Variants in NECTIN4 observed in about 807,000 individuals in gnomAD.
The protein encoded by NECTIN4 is nectin cell adhesion molecule 4, also known as nectin-4.
In NECTIN4, 19 loss-of-function variants were observed where a neutral mutation model predicts 51.7. That is an observed-to-expected ratio of 0.37 (90% CI 0.26 to 0.54). The LOEUF (loss-of-function observed/expected upper bound fraction) is 0.54. Ranked by LOEUF, NECTIN4 falls within the 20% of genes least tolerant of loss-of-function variation. The pLI, the probability that NECTIN4 is intolerant of heterozygous loss-of-function variation, is 0.86. For synonymous variants in NECTIN4, 283 were observed against 286.9 expected (o/e 0.99, Z 0.14); for missense variants, 619 against 662.4 (o/e 0.93, Z 0.72).
intron 3 of NECTIN4, 152 bp from the exon 4 acceptor site, chr1:161,076,627 C>T: frequency 1.9e-6 from 2 of 1,027,042 alleles, no homozygotes; most frequent in South Asian, 2.6e-5. Flanking sequence ...AGCTCAGCCC[C>T]ACCCTGCTGA....
chr1:161,076,047 G>T (rs1430715758), intron 4 of NECTIN4, among the ~76,000 whole-genome samples: 2 of 152,176 alleles, frequency 1.3e-5, no homozygotes, highest in Non-Finnish European at 2.9e-5. Context: ...CTGCACTCCA[G>T]CCTGGCGACA....
At chr1:161,075,728 C>T (rs1330666349) in intron 4 of NECTIN4, among the ~76,000 whole-genome samples, 1 of 151,534 alleles carries the variant, frequency 6.6e-6, no homozygotes, top group African/African-American at 2.4e-5. Flanking sequence ...GCCAAGATCG[C>T]ACCACTGCAC....
At chr1:161,083,773 C>G (rs1284083180) in intron 1 of NECTIN4, among the ~76,000 whole-genome samples, 1 of 152,236 alleles carries the variant, frequency 6.6e-6, no homozygotes, top group African/African-American at 2.4e-5. Flanking sequence ...CCCCACGGGC[C>G]TCTTTGGAGC....
chr1:161,072,779 T>A lies in NECTIN4; in HGVS notation c.1415A>T (p.Glu472Val). Residue 472 changes from glutamate to valine, a missense_variant, in exon 9 of 9, where the codon GAA (glutamate) becomes GTA (valine). This residue lies in a region of NECTIN4 where 364 missense variants were observed against 415.7 expected (regional missense o/e 0.88). Coordinates refer to ENST00000368012, the MANE Select transcript of NECTIN4 (RefSeq NM_030916.3). ...CTGTTTGATGCCTTCATCCTGATCTTCCTCCTCCTCGGCCCGCCCAGAGCC... is the reference window on the plus strand; with the variant it reads ...CTGTTTGATGCCTTCATCCTGATCTACCTCCTCCTCGGCCCGCCCAGAGCC... ...SPGSGRAEEEEDQDEGIKQAM... is the reference protein window; with the variant it reads ...SPGSGRAEEEVDQDEGIKQAM... 6.2e-7 allele frequency: 1 copy of A among 1,614,216 alleles called. No individual in the cohort carries two copies. The highest frequency in any genetic ancestry group is 8.5e-7 in the Non-Finnish European group (1 of 1,180,038).
chr1:161,074,342 G>A lies in NECTIN4; in HGVS notation c.1032C>T (p.Asp344=). 1 of 1,613,890 alleles carries A rather than the reference G, an allele frequency of 6.2e-7. No individual in the cohort carries two copies. The highest frequency in any genetic ancestry group is 1.1e-5 in the South Asian group (1 of 91,070). ...DPQEDSGKQV[D]LVSASVVVVG... is the part of the protein sequence containing the mutation. ...CCACCACCACCGAGGCTGACACTAG[G>A]TCCACCTGCTTCCCAGAGTCTTCCT... The change falls in exon 6 of 9, where the codon GAC becomes GAT. Residue 344 remains aspartate (D), a synonymous_variant. Coordinates refer to ENST00000368012, the MANE Select transcript of NECTIN4 (RefSeq NM_030916.3).
rs373753089 is a variant in NECTIN4, at chr1:161,072,574, G to A, written c.*87C>T. The A allele has an allele frequency of 4.6e-6, 5 of 1,077,650 alleles. No individual in the cohort carries two copies. The highest frequency in any genetic ancestry group is 1.7e-5 in the Admixed American group (1 of 58,210). 66.8% of individuals were successfully genotyped at this position (1,077,650 alleles called of 1,614,324 possible). A position where few individuals can be genotyped will look rare whatever the true frequency, so the allele number is the denominator to read the frequency against. On this transcript the variant is annotated 3_prime_UTR_variant, in exon 9 of 9. Transcript: ENST00000368012. ...TGGGGAGCATCTTCCGCAAGAAATGGGGGTGTTTAAGGAGGCCCCCAAGAT... is the reference window on the plus strand; with the variant it reads ...TGGGGAGCATCTTCCGCAAGAAATGAGGGTGTTTAAGGAGGCCCCCAAGAT...
intron 1 of NECTIN4, 74 bp from the exon 2 acceptor site, chr1:161,080,023 T>C: frequency 6.6e-7 from 1 of 1,512,156 alleles, no homozygotes; most frequent in South Asian, 1.3e-5. Context: ...ATAATGATAA[T>C]GACAGCAAAG....
At chr1:161,080,731 A>C (rs1653646300) in intron 1 of NECTIN4, among the ~76,000 whole-genome samples, 1 of 152,004 alleles carries the variant, frequency 6.6e-6, no homozygotes, top group South Asian at 2.1e-4. Flanking sequence ...ACAAGGGACA[A>C]AGGGCTAGTA....
chr1:161,077,829 T>A, intron 2 of NECTIN4, 86 bp from the exon 3 acceptor site: 1 of 1,290,240 alleles, frequency 7.8e-7, no homozygotes, highest in Non-Finnish European at 1.1e-6. Flanking sequence ...CTTGCACAAG[T>A]ACAAACTTTC....
chr1:161,076,595 C>T (rs1213436209), intron 3 of NECTIN4, 120 bp from the exon 4 acceptor site: 15 of 1,399,730 alleles, frequency 1.1e-5, no homozygotes, highest in Non-Finnish European at 1.3e-5. Context: ...CTTCTCCATC[C>T]TACTCATCTG....
At chr1:161,078,540 T>G (rs1557946891) in intron 2 of NECTIN4, among the ~76,000 whole-genome samples, 1 of 151,862 alleles carries the variant, frequency 6.6e-6, no homozygotes, top group Non-Finnish European at 1.5e-5. Flanking sequence ...ACTCCTGACC[T>G]CAGGTGGTCT....
At chr1:161,079,178 G>C (rs1653553771) in intron 2 of NECTIN4, among the ~76,000 whole-genome samples, 1 of 152,174 alleles carries the variant, frequency 6.6e-6, no homozygotes, top group South Asian at 2.1e-4. Flanking sequence ...TGGTGAGAGA[G>C]GCTTTGAAAT....
intron 2 of NECTIN4, among the ~76,000 whole-genome samples, chr1:161,078,733 T>C (rs1653527129): frequency 2.6e-5 from 4 of 151,412 alleles, no homozygotes. Context: ...TGATTGTGGC[T>C]GGGCGCGGTG....
intron 1 of NECTIN4, among the ~76,000 whole-genome samples, chr1:161,087,722 G>T (rs768167394): frequency 2.6e-5 from 4 of 151,908 alleles, no homozygotes; most frequent in Non-Finnish European, 5.9e-5. Context: ...GGGTGGGAGA[G>T]AGAGATTGGC....
chr1:161,072,071 T>C lies in NECTIN4; in HGVS notation c.*590A>G, dbSNP rs1653189452. 1 of 181,564 alleles carries C rather than the reference T, an allele frequency of 5.5e-6. No homozygotes were observed. The highest frequency in any genetic ancestry group is 2.4e-5 in the African/African-American group (1 of 42,498). The allele number at this position is 181,564 out of a possible 1,614,324, so 11.2% of individuals were successfully genotyped here. On this transcript the variant is annotated 3_prime_UTR_variant, in exon 9 of 9. Transcript: ENST00000368012. ...GACCCAGGGACTGGCTGCTTCACAC[T>C]TGCCCCCATGGCTCCGAAGTGGTAG...
intron 2 of NECTIN4, among the ~76,000 whole-genome samples, chr1:161,079,053 T>C (rs1653548048): frequency 6.6e-6 from 1 of 152,188 alleles, no homozygotes; most frequent in Non-Finnish European, 1.5e-5. Flanking sequence ...CCACATTCAC[T>C]GAAGGTCCAT....
chr1:161,089,498 G>C lies in NECTIN4; in HGVS notation c.-202C>G, dbSNP rs993654722. The C allele has an allele frequency of 1.6e-6, 1 of 606,460 alleles. No homozygotes were observed. The highest frequency in any genetic ancestry group is 2.6e-5 in the Admixed American group (1 of 38,324). 37.6% of individuals were successfully genotyped at this position (606,460 alleles called of 1,614,324 possible). On this transcript the variant is annotated 5_prime_UTR_variant, in exon 1 of 9. Coordinates refer to ENST00000368012, the MANE Select transcript of NECTIN4 (RefSeq NM_030916.3). This position sits in a 1 kb window ranked among gnomAD's most constrained non-coding sequence, Gnocchi z 4.1. ...CAGCCGTAGCTACCCCCAAGAAGCC[G>C]TGATCGGGAGCTCCGAGCTCCCCCA...
rs544457585 is a variant in NECTIN4 at position 161,079,993 on chromosome 1, A to G, written c.80-44T>C. 2.5e-5 allele frequency: 39 copies of G among 1,553,874 alleles called. 1 individual carries two copies. Among genetic ancestry groups the G allele is most frequent in the Admixed American group, 9.2e-5 (5 of 54,426 alleles). Reference sequence around the variant, plus strand: ...GACAGCCACCATTAGGGGTGCTGCCAGAGCTGGGGGAGCACAGTCATAATG... The same window carrying G: ...GACAGCCACCATTAGGGGTGCTGCCGGAGCTGGGGGAGCACAGTCATAATG... On this transcript the variant is annotated intron_variant, in intron 1 of 8. Transcript: ENST00000368012.
intron 1 of NECTIN4, chr1:161,085,116 G>C (rs941762242): frequency 6.6e-6 from 1 of 152,106 alleles, no homozygotes; most frequent in Non-Finnish European, 1.5e-5. Context: ...TTAAAAACCA[G>C]AAGATTCCCT....
Sources: gnomAD v4.1 joint callset for allele counts (sites outside exome capture counted in the v4.1 genomes callset) on GRCh38, gnomAD v4.1.1 for gene constraint, gnomAD v4.1.1 regional missense constraint, Gnocchi (gnomAD v3.1) non-coding constraint, MANE v1.5 for transcripts, NCBI Gene and HGNC (gene_info 2026-07-23, HGNC 2026-07-21) for gene names.